Variants in PBX3 observed in about 807,000 individuals in gnomAD.
PBX3 encodes pre-B-cell leukemia transcription factor 3.
A neutral mutation model predicts 48.5 loss-of-function variants in PBX3; 14 were observed. The observed-to-expected ratio is 0.29, with a 90% CI of 0.19 to 0.45. The LOEUF (loss-of-function observed/expected upper bound fraction) is 0.45. Among genes scored for constraint, PBX3 ranks in the 20% least tolerant of loss-of-function variants. PBX3 has a pLI of 1.00. For synonymous variants in PBX3, 210 were observed against 200.3 expected, an observed-to-expected ratio of 1.05 and a Z score of -0.41; for missense variants, 386 against 546.7, an observed-to-expected ratio of 0.71 and a Z score of 2.93.
intron 2 of PBX3, among the ~76,000 whole-genome samples, chr9:125,847,188 G>A (rs1839447618): frequency 6.6e-6 from 1 of 151,904 alleles, no homozygotes; most frequent in African/African-American, 2.4e-5. Flanking sequence ...GGCTATTGGT[G>A]ATCAATGCTT....
At chr9:125,910,432 G>A (rs1485501532) in intron 2 of PBX3, among the ~76,000 whole-genome samples, 2 of 151,878 alleles carry the variant, frequency 1.3e-5, no homozygotes, top group Non-Finnish European at 2.9e-5. Context: ...GTGATTATTC[G>A]GTTTGAATGA....
At chr9:125,747,794 G>A in intron 1 of PBX3, 141 bp downstream of exon 1, 1 of 590,110 alleles carries the variant, frequency 1.7e-6, no homozygotes, top group Non-Finnish European at 2.7e-6. Context: ...GCCCGCCCCG[G>A]CCTCGGGGGG....
intron 2 of PBX3, among the ~76,000 whole-genome samples, chr9:125,863,088 A>G (rs1839900669): frequency 6.6e-6 from 1 of 150,706 alleles, no homozygotes; most frequent in Non-Finnish European, 1.5e-5. Flanking sequence ...TGTAGAGATG[A>G]GGTCTTGCTT....
At chr9:125,849,606 A>T (rs1839521701) in intron 2 of PBX3, among the ~76,000 whole-genome samples, 1 of 152,032 alleles carries the variant, frequency 6.6e-6, no homozygotes, top group Admixed American at 6.6e-5. Flanking sequence ...GATGCCTCTT[A>T]TAATCAATAT....
At chr9:125,796,640 CCTT>C (rs1837788758) in intron 2 of PBX3, among the ~76,000 whole-genome samples, 1 of 152,104 alleles carries the variant, frequency 6.6e-6, no homozygotes, top group South Asian at 2.1e-4. Context: ...ATTTCCCTCT[CCTT>C]CTTTAAATCA....
At chr9:125,772,713 T>C (rs1027808203) in intron 2 of PBX3, among the ~76,000 whole-genome samples, 1 of 152,236 alleles carries the variant, frequency 6.6e-6, no homozygotes, top group African/African-American at 2.4e-5. Context: ...TGGTATGTAA[T>C]AGATGCTTAA....
chr9:125,768,347 A>C (rs905292712), intron 2 of PBX3, among the ~76,000 whole-genome samples: 1 of 152,196 alleles, frequency 6.6e-6, no homozygotes. Flanking sequence ...ATTTATTCTC[A>C]AACTTTTTGA....
chr9:125,859,323 C>T (rs1839802911), intron 2 of PBX3, among the ~76,000 whole-genome samples: 1 of 151,924 alleles, frequency 6.6e-6, no homozygotes, highest in East Asian at 1.9e-4. Flanking sequence ...TTGTCAAGGC[C>T]CATGAAAGTA....
rs1156239994 is a variant in PBX3 at position 125,774,306 on chromosome 9, C to CCAGGA, written c.274+25687_274+25688insACAGG. Among the ~76,000 whole-genome samples the CCAGGA allele has an allele frequency of 2.0e-5, 3 of 152,316 alleles. No homozygotes were observed. In the East Asian group the frequency reaches 5.8e-4, roughly 29 times the overall value. ...CCATCCATCACCCAGTCACCTCCTG[C>CCAGGA]CAGGCCCCACCTCCAACTTTGGGGA... On this transcript the variant is annotated intron_variant, in intron 2 of 8. Coordinates refer to ENST00000373489, the MANE Select transcript of PBX3 (RefSeq NM_006195.6).
chr9:125,811,249 A>G (rs568159891), intron 2 of PBX3, among the ~76,000 whole-genome samples: 1 of 152,328 alleles, frequency 6.6e-6, no homozygotes, highest in South Asian at 2.1e-4. Context: ...GTAACAATAT[A>G]CCATAGACTG....
rs941696949 is a variant in PBX3 at position 125,759,187 on chromosome 9, T to C, written c.274+10564T>C. On this transcript the variant is annotated intron_variant, in intron 2 of 8. Coordinates refer to ENST00000373489, the MANE Select transcript of PBX3 (RefSeq NM_006195.6). The surrounding 1 kb of genome is among the most constrained non-coding windows in gnomAD (Gnocchi z 4.2). ...CTGTGGTCAGCACTAGTGTAAATAT[T>C]TGTAGACAACCATGTTTTACAGACT... Among the ~76,000 whole-genome samples, 1 of 152,330 alleles carries C rather than the reference T, an allele frequency of 6.6e-6. No individual in the cohort carries two copies. The highest frequency in any genetic ancestry group is 1.9e-4 in the East Asian group (1 of 5,186).
intron 2 of PBX3, among the ~76,000 whole-genome samples, chr9:125,808,761 G>A (rs993639839): frequency 3.3e-5 from 5 of 152,196 alleles, no homozygotes; most frequent in Non-Finnish European, 7.3e-5. Context: ...GTTCCTGTGA[G>A]TCTCTGGTCA....
intron 2 of PBX3, among the ~76,000 whole-genome samples, chr9:125,762,174 A>AT (rs1173268350): frequency 6.6e-6 from 1 of 151,868 alleles, no homozygotes; most frequent in Non-Finnish European, 1.5e-5. Context: ...CCTTCTTGTC[A>AT]TTTTTTTTCT....
intron 2 of PBX3, among the ~76,000 whole-genome samples, chr9:125,831,502 T>C (rs1838961270): frequency 6.6e-6 from 1 of 152,076 alleles, no homozygotes; most frequent in Admixed American, 6.6e-5. Context: ...CCAGAGTGTT[T>C]TAAAAGAGCT....
At chr9:125,822,182 G>A (rs990618466) in intron 2 of PBX3, among the ~76,000 whole-genome samples, 1 of 152,064 alleles carries the variant, frequency 6.6e-6, no homozygotes, top group Non-Finnish European at 1.5e-5. Context: ...AATATTTAAA[G>A]GTGGGTAGTA....
intron 3 of PBX3, among the ~76,000 whole-genome samples, chr9:125,919,957 C>G (rs1053925003): frequency 6.6e-6 from 1 of 152,038 alleles, no homozygotes; most frequent in Non-Finnish European, 1.5e-5. Flanking sequence ...GAAAATTGTT[C>G]TTTTATCATA....
At chr9:125,882,425 T>C (rs1840403501) in intron 2 of PBX3, among the ~76,000 whole-genome samples, 1 of 152,204 alleles carries the variant, frequency 6.6e-6, no homozygotes, top group Non-Finnish European at 1.5e-5. Context: ...ACGTTAAATA[T>C]ATAAAAGCTG....
At chr9:125,843,144 T>C (rs908416878) in intron 2 of PBX3, among the ~76,000 whole-genome samples, 1 of 152,092 alleles carries the variant, frequency 6.6e-6, no homozygotes, top group Admixed American at 6.6e-5. Flanking sequence ...ACAAACCTAT[T>C]TGGGGAATTT....
chr9:125,815,093 C>G (rs1838418618), intron 2 of PBX3, among the ~76,000 whole-genome samples: 1 of 152,166 alleles, frequency 6.6e-6, no homozygotes, highest in South Asian at 2.1e-4. Flanking sequence ...AGAATTATGT[C>G]TATTTTTTTG....
Sources: allele counts gnomAD v4.1 joint callset (sites outside exome capture counted in the v4.1 genomes callset), GRCh38; gene constraint gnomAD v4.1.1; non-coding constraint Gnocchi (gnomAD v3.1); transcripts MANE v1.5; gene names NCBI Gene and HGNC (gene_info 2026-07-23, HGNC 2026-07-21).